The following SPRED2 variants were observed in gnomAD, a reference collection of about 807,000 sequenced individuals.
SPRED2 encodes sprouty-related, EVH1 domain-containing protein 2.
In SPRED2, 47 loss-of-function variants were observed where a neutral mutation model predicts 43.0. The observed-to-expected ratio is 1.09, with a 90% CI of 0.87 to 1.40. The LOEUF is 1.40. SPRED2 is among the 40% of genes most tolerant of loss of function. The probability of loss-of-function intolerance (pLI) is 0.00; values close to 1 mark genes in which losing one functional copy is unlikely to be tolerated. For synonymous variants in SPRED2, 225 were observed against 225.7 expected (o/e 1.00, Z 0.03); for missense variants, 561 against 586.4 (o/e 0.96, Z 0.45).
At chr2:65,310,404 C>T (rs577656473), downstream of SPRED2, among the ~76,000 whole-genome samples, 1 of 151,262 alleles carries the variant, frequency 6.6e-6, no homozygotes, top group South Asian at 2.1e-4. Flanking sequence ...TCGGAGGAGA[C>T]CAAGCATCTT....
downstream of SPRED2, chr2:65,308,511 C>A (rs190394279): frequency 9.1e-6 from 9 of 985,396 alleles, no homozygotes; most frequent in Non-Finnish European, 9.6e-6. Flanking sequence ...ATTGATAATG[C>A]GCTTCAGCCT....
At chr2:65,395,503 C>CCCCG (rs1675739343) in intron 1 of SPRED2, among the ~76,000 whole-genome samples, 1 of 152,228 alleles carries the variant, frequency 6.6e-6, no homozygotes, top group South Asian at 2.1e-4. Flanking sequence ...CTCATCCATT[C>CCCCG]CTTTCTACCA....
chr2:65,392,172 TTTC>T (rs1385563417), intron 1 of SPRED2, among the ~76,000 whole-genome samples: 8 of 146,196 alleles, frequency 5.5e-5, no homozygotes, highest in African/African-American at 2.0e-4. Flanking sequence ...TCTTCCAGAA[TTTC>T]TTTTTTTTTT....
chr2:65,418,218 C>G (rs1308795313), intron 1 of SPRED2, among the ~76,000 whole-genome samples: 2 of 152,232 alleles, frequency 1.3e-5, no homozygotes, highest in Non-Finnish European at 2.9e-5. Context: ...TTCAAAGCCT[C>G]AACCAGCTCT....
intron 4 of SPRED2, among the ~76,000 whole-genome samples, chr2:65,325,706 C>T (rs975895883): frequency 1.3e-5 from 2 of 152,070 alleles, no homozygotes; most frequent in Non-Finnish European, 2.9e-5. Context: ...TTTGGGAGGC[C>T]AAGGGGTATG....
chr2:65,312,036 C>G lies in SPRED2; in HGVS notation c.*1465G>C, dbSNP rs536184549. On this transcript the variant is annotated 3_prime_UTR_variant, in exon 6 of 6. Transcript: ENST00000356388. ...GCAAGCCTGTCCCCGGTGGTCTCCA[C>G]GAGGTTCTGATTGTACTATGCTAGG... is the stretch of plus-strand genomic sequence containing the variant. The G allele has an allele frequency of 4.3e-5, 42 of 985,392 alleles. No homozygotes were observed. In the African/African-American group the frequency reaches 7.3e-4, roughly 17 times the overall value. 61.0% of individuals were successfully genotyped at this position (985,392 alleles called of 1,614,324 possible). A position where few individuals can be genotyped will look rare whatever the true frequency, so the allele number is the denominator to read the frequency against.
intron 1 of SPRED2, among the ~76,000 whole-genome samples, chr2:65,372,284 C>T (rs1013168457): frequency 2.6e-5 from 4 of 151,992 alleles, no homozygotes; most frequent in African/African-American, 7.3e-5. Flanking sequence ...CTGGATTAGT[C>T]GGCAGGCTTT....
chr2:65,396,280 CT>C (rs1359372818), intron 1 of SPRED2, among the ~76,000 whole-genome samples: 1 of 152,188 alleles, frequency 6.6e-6, no homozygotes, highest in Non-Finnish European at 1.5e-5. Context: ...TAAACCTGTC[CT>C]TCAAGGCTCA....
downstream of SPRED2, among the ~76,000 whole-genome samples, chr2:65,309,713 G>A (rs79472295): frequency 3.2e-3 from 484 of 152,250 alleles, 9 homozygotes; most frequent in East Asian, 0.061. Flanking sequence ...CCTGCATTCC[G>A]CAGAAAGTTA....
intron 1 of SPRED2, among the ~76,000 whole-genome samples, chr2:65,347,071 A>G (rs116677278): frequency 0.011 from 1,663 of 152,090 alleles, 34 homozygotes; most frequent in African/African-American, 0.039. Flanking sequence ...CCATAACTCA[A>G]TTGTAAGCAT....
rs1673116045 is a variant in SPRED2, at chr2:65,313,137, T to C, written c.*364A>G. The C allele has an allele frequency of 9.9e-7, 1 of 1,013,728 alleles. No individual in the cohort carries two copies. Among genetic ancestry groups the C allele is most frequent in the East Asian group, 9.1e-5 (1 of 10,984 alleles). The allele number at this position is 1,013,728 out of a possible 1,614,324, so 62.8% of individuals were successfully genotyped here. On this transcript the variant is annotated 3_prime_UTR_variant, in exon 6 of 6. Transcript: ENST00000356388. ...CCCACCGAAAATCAGCAGTTCCAAT[T>C]GCAGACTCCTTTGAACTGGAAGAGG...
intron 1 of SPRED2, among the ~76,000 whole-genome samples, chr2:65,401,783 G>C (rs372244172): frequency 9.9e-5 from 15 of 151,982 alleles, no homozygotes; most frequent in African/African-American, 3.6e-4. Context: ...CTGGGCGACA[G>C]AGCCAGACTC....
intron 1 of SPRED2, among the ~76,000 whole-genome samples, chr2:65,347,058 C>T (rs13431750): frequency 0.026 from 3,887 of 152,254 alleles, 61 homozygotes; most frequent in Middle Eastern, 0.051. Flanking sequence ...ATCTGCACCA[C>T]CTCCATAACT....
intron 1 of SPRED2, among the ~76,000 whole-genome samples, chr2:65,419,779 A>G (rs1485822747): frequency 1.3e-5 from 2 of 152,230 alleles, no homozygotes; most frequent in Admixed American, 1.3e-4. Context: ...TTCACAAACA[A>G]TGCATGGAGT....
chr2:65,337,637 C>A (rs1674005547), intron 2 of SPRED2, among the ~76,000 whole-genome samples: 1 of 152,172 alleles, frequency 6.6e-6, no homozygotes, highest in Non-Finnish European at 1.5e-5. Flanking sequence ...TGTAGCCACA[C>A]CTATAAGTTG....
chr2:65,371,150 C>T (rs148452857), intron 1 of SPRED2, among the ~76,000 whole-genome samples: 141 of 152,236 alleles, frequency 9.3e-4, no homozygotes, highest in Non-Finnish European at 1.7e-3. Flanking sequence ...GCCTCAAAAT[C>T]AGGTCCCAAG....
chr2:65,360,782 T>C (rs1259493285), intron 1 of SPRED2, among the ~76,000 whole-genome samples: 1 of 152,262 alleles, frequency 6.6e-6, no homozygotes, highest in African/African-American at 2.4e-5. Flanking sequence ...ACTACTGTAC[T>C]GTTCACTTAC....
chr2:65,401,928 C>CGTGCGCGCGT (rs1553426569), intron 1 of SPRED2, among the ~76,000 whole-genome samples: 2 of 101,194 alleles, frequency 2.0e-5, no homozygotes, highest in African/African-American at 1.0e-4. Flanking sequence ...AGAATATTAG[C>CGTGCGCGCGT]GCGCGCGCGC....
At chr2:65,325,004 C>T (rs1425978898) in intron 4 of SPRED2, among the ~76,000 whole-genome samples, 1 of 152,188 alleles carries the variant, frequency 6.6e-6, no homozygotes, top group African/African-American at 2.4e-5. Context: ...AAAGGTGTGC[C>T]TGGGCTGTTT....
Sources: allele counts gnomAD v4.1 joint callset (sites outside exome capture counted in the v4.1 genomes callset), GRCh38; gene constraint gnomAD v4.1.1; transcripts MANE v1.5; gene names NCBI Gene and HGNC (gene_info 2026-07-23, HGNC 2026-07-21).